TSEN15: variants seen among roughly 807,000 people sequenced by gnomAD.
TSEN15 encodes tRNA-splicing endonuclease subunit Sen15.
A neutral mutation model predicts 20.5 loss-of-function variants in TSEN15; 10 were observed. The observed-to-expected ratio is 0.49, with a 90% CI of 0.30 to 0.83. The LOEUF (loss-of-function observed/expected upper bound fraction) is 0.83. Among genes scored for constraint, TSEN15 ranks in the 40% least tolerant of loss-of-function variants. The pLI is 0.06. For missense variants in TSEN15, 180 were observed against 218.6 expected, an observed-to-expected ratio of 0.82 and a Z score of 1.11; for synonymous variants, 72 against 80.1, an observed-to-expected ratio of 0.90 and a Z score of 0.54.
At chr1:184,093,038 A>G (rs1021762558) in intron 3 of TSEN15, among the ~76,000 whole-genome samples, 2 of 152,182 alleles carry the variant, frequency 1.3e-5, no homozygotes, top group African/African-American at 2.4e-5. Flanking sequence ...TGGAGCATTT[A>G]TCTAAATATA....
At chr1:184,067,924 C>CTCAAAAAAAA (rs1650731485) in intron 3 of TSEN15, among the ~76,000 whole-genome samples, 1 of 54,884 alleles carries the variant, frequency 1.8e-5, no homozygotes, top group African/African-American at 9.3e-5. Context: ...CTCTCTCTCT[C>CTCAAAAAAAA]AAAAAAAAAA....
intron 3 of TSEN15, among the ~76,000 whole-genome samples, chr1:184,065,332 A>G (rs1226506074): frequency 2.0e-5 from 3 of 152,188 alleles, no homozygotes; most frequent in Admixed American, 2.0e-4. Context: ...AGTATGGTAC[A>G]TTTGTTACAA....
chr1:184,083,007 A>G (rs1258976070), intron 3 of TSEN15, among the ~76,000 whole-genome samples: 1 of 152,192 alleles, frequency 6.6e-6, no homozygotes, highest in Non-Finnish European at 1.5e-5. Context: ...ATTAAAATTC[A>G]TATTGATACT....
chr1:184,064,388 T>G (rs1054649828), intron 3 of TSEN15, among the ~76,000 whole-genome samples: 2 of 151,978 alleles, frequency 1.3e-5, no homozygotes, highest in African/African-American at 2.4e-5. Context: ...ACTGGGTATG[T>G]AGTAATGGCA....
intron 3 of TSEN15, among the ~76,000 whole-genome samples, chr1:184,084,589 G>T (rs1651228136): frequency 6.6e-6 from 1 of 151,754 alleles, no homozygotes; most frequent in Non-Finnish European, 1.5e-5. Context: ...ATCAGAGACT[G>T]GGTAATTTAT....
chr1:184,071,087 T>G (rs1650865002), intron 3 of TSEN15: 1 of 152,230 alleles, frequency 6.6e-6, no homozygotes, highest in Non-Finnish European at 1.5e-5. Context: ...TCTTTTCATA[T>G]ATGCCATTTA....
chr1:184,095,158 G>C (rs1160083485), intron 3 of TSEN15: 1 of 398,112 alleles, frequency 2.5e-6, no homozygotes, highest in East Asian at 3.6e-5. Context: ...TTGTTTGACT[G>C]AACAGAGTGC....
intron 3 of TSEN15, among the ~76,000 whole-genome samples, chr1:184,064,543 G>GA (rs938444658): frequency 1.3e-5 from 2 of 151,406 alleles, no homozygotes; most frequent in Non-Finnish European, 2.9e-5. Context: ...GAAAAAATAT[G>GA]AAAAAACAAA....
At chr1:184,052,667 A>G (rs528041233) in intron 1 of TSEN15, among the ~76,000 whole-genome samples, 1 of 152,196 alleles carries the variant, frequency 6.6e-6, no homozygotes, top group Non-Finnish European at 1.5e-5. Context: ...ATTTGAAGGT[A>G]TAAGTTTGAA....
At chr1:184,094,843 G>A (rs1651421112) in intron 3 of TSEN15, 2 of 392,956 alleles carry the variant, frequency 5.1e-6, no homozygotes, top group Non-Finnish European at 9.0e-6. Flanking sequence ...AGGGGATGAG[G>A]GAAGGATAAG....
chr1:184,075,189 T>C (rs1651034302), downstream of TSEN15, among the ~76,000 whole-genome samples: 1 of 152,086 alleles, frequency 6.6e-6, no homozygotes, highest in Admixed American at 6.6e-5. Context: ...AAACTAGGAT[T>C]GAATCCTGCT....
chr1:184,060,521 G>A (rs942935819), intron 3 of TSEN15, among the ~76,000 whole-genome samples: 3 of 152,242 alleles, frequency 2.0e-5, no homozygotes, highest in African/African-American at 7.2e-5. Context: ...CTTTAAGCAA[G>A]GAAGTGAGAC....
At chr1:184,072,116 A>T (rs746684336) in intron 3 of TSEN15, 41 bp from the exon 4 acceptor site, 16 of 1,600,970 alleles carry the variant, frequency 1.0e-5, no homozygotes, top group Middle Eastern at 1.7e-4. Context: ...CATCTAATTG[A>T]GTGACCGCAA....
chr1:184,089,084 TA>T (rs1651314142), intron 3 of TSEN15, among the ~76,000 whole-genome samples: 1 of 152,256 alleles, frequency 6.6e-6, no homozygotes, highest in Non-Finnish European at 1.5e-5. Context: ...ACTTGCCAGA[TA>T]TTCTTACTTT....
chr1:184,070,640 A>C, intron 3 of TSEN15: 3 of 1,289,306 alleles, frequency 2.3e-6, no homozygotes, highest in Non-Finnish European at 3.1e-6. Flanking sequence ...CTTTTGAAGA[A>C]GGAAAATACT....
At chr1:184,063,503 G>C (rs954249775) in intron 3 of TSEN15, among the ~76,000 whole-genome samples, 5 of 152,090 alleles carry the variant, frequency 3.3e-5, no homozygotes, top group Non-Finnish European at 7.4e-5. Context: ...GTGGTGATTT[G>C]CTTAATCTGA....
At chr1:184,088,325 G>A (rs1338195217) in intron 3 of TSEN15, among the ~76,000 whole-genome samples, 1 of 152,152 alleles carries the variant, frequency 6.6e-6, no homozygotes, top group Non-Finnish European at 1.5e-5. Context: ...AGCATCGGAC[G>A]TTAAAAACGC....
rs764289864 is a variant in TSEN15 at position 184,054,762 on chromosome 1, A to C, written c.252A>C (p.Leu84Phe). The part of the protein sequence containing the change: ...KSWHEVNCVG[L>F]PELQLICLVG... ...GGCATGAAGTAAACTGTGTAGGATT[A>C]CCAGAACTCCAGCTCATCTGCCTTG... Residue 84 changes from leucine (L) to phenylalanine (F), a missense_variant, in exon 3 of 5, where the codon TTA becomes TTC. Coordinates refer to ENST00000645668, the MANE Select transcript of TSEN15 (RefSeq NM_052965.4). 3 of 1,612,358 alleles carry C rather than the reference A, an allele frequency of 1.9e-6. No homozygotes were observed. In the South Asian group the frequency reaches 3.3e-5, roughly 18 times the overall value.
downstream of TSEN15, among the ~76,000 whole-genome samples, chr1:184,076,355 C>T (rs1028398921): frequency 7.2e-5 from 11 of 151,918 alleles, no homozygotes; most frequent in African/African-American, 2.4e-4. Context: ...ACAAATTGTG[C>T]CCATATAAGA....
Sources: gnomAD v4.1 joint callset for allele counts (sites outside exome capture counted in the v4.1 genomes callset) on GRCh38, gnomAD v4.1.1 for gene constraint, MANE v1.5 for transcripts, NCBI Gene and HGNC (gene_info 2026-07-23, HGNC 2026-07-21) for gene names.